The following PARN variants were observed in gnomAD, a reference collection of about 807,000 sequenced individuals.
The protein encoded by PARN is poly(A)-specific ribonuclease PARN.
PARN carries 71 observed loss-of-function variants against 102.8 expected under a neutral mutation model. That is an observed-to-expected ratio of 0.69 (90% CI 0.57 to 0.84). PARN has a LOEUF of 0.84. Ranked by LOEUF, PARN falls within the 40% of genes least tolerant of loss-of-function variation. The pLI is 0.00. For missense variants in PARN, 782 were observed against 760.9 expected (o/e 1.03, Z -0.33); for synonymous variants, 261 against 252.9 (o/e 1.03, Z -0.30).
chr16:14,600,032 CA>C (rs898608213), intron 11 of PARN, 72 bp from the exon 12 acceptor site: 340 of 830,576 alleles, frequency 4.1e-4, no homozygotes, highest in African/African-American at 1.2e-3. Flanking sequence ...AAAACTACCC[CA>C]AAAAAAAGAC....
chr16:14,514,665 T>C (rs1350792923), intron 21 of PARN, among the ~76,000 whole-genome samples: 1 of 152,186 alleles, frequency 6.6e-6, no homozygotes, highest in African/African-American at 2.4e-5. Flanking sequence ...ATTTTATGAG[T>C]TCTGGCCCAA....
At chr16:14,475,323 G>A (rs1962981705) in intron 22 of PARN, among the ~76,000 whole-genome samples, 1 of 152,166 alleles carries the variant, frequency 6.6e-6, no homozygotes, top group East Asian at 1.9e-4. Context: ...GTTGGCTTAT[G>A]GGGACTGAGT....
At chr16:14,574,851 A>C (rs1052268348) in intron 18 of PARN, among the ~76,000 whole-genome samples, 5 of 152,226 alleles carry the variant, frequency 3.3e-5, no homozygotes, top group Non-Finnish European at 7.3e-5. Context: ...AGGCCCTCCC[A>C]TCACAGGCCC....
At chr16:14,495,070 G>T (rs972724983) in intron 21 of PARN, among the ~76,000 whole-genome samples, 1 of 152,162 alleles carries the variant, frequency 6.6e-6, no homozygotes, top group Non-Finnish European at 1.5e-5. Context: ...CCTCCAGACT[G>T]AACTTAGGAG....
At chr16:14,502,015 A>G (rs962770055) in intron 21 of PARN, among the ~76,000 whole-genome samples, 8 of 152,248 alleles carry the variant, frequency 5.3e-5, no homozygotes, top group Admixed American at 4.6e-4. Flanking sequence ...TCAGGATTTA[A>G]AAGAGTTAAC....
intron 21 of PARN, among the ~76,000 whole-genome samples, chr16:14,541,981 G>T (rs866912636): frequency 6.6e-6 from 1 of 151,830 alleles, no homozygotes; most frequent in African/African-American, 2.4e-5. Flanking sequence ...ACAACCCTCA[G>T]ATGATGCAGA....
intron 21 of PARN, among the ~76,000 whole-genome samples, chr16:14,550,024 A>G (rs1303744927): frequency 6.6e-6 from 1 of 152,154 alleles, no homozygotes; most frequent in African/African-American, 2.4e-5. Context: ...AATGTCACCG[A>G]GTGTGGCTAG....
intron 21 of PARN, among the ~76,000 whole-genome samples, chr16:14,533,151 C>G (rs1350201129): frequency 1.3e-5 from 2 of 152,150 alleles, no homozygotes; most frequent in Non-Finnish European, 2.9e-5. Context: ...CGTCTGCAAC[C>G]CCGGCACCTC....
intron 12 of PARN, among the ~76,000 whole-genome samples, chr16:14,597,325 CAT>C (rs1970583699): frequency 6.6e-6 from 1 of 152,158 alleles, no homozygotes; most frequent in African/African-American, 2.4e-5. Context: ...AATTTAATGA[CAT>C]AGTTAACTTA....
intron 21 of PARN, among the ~76,000 whole-genome samples, chr16:14,502,073 G>T (rs1286099322): frequency 2.0e-5 from 3 of 152,182 alleles, no homozygotes; most frequent in Admixed American, 6.5e-5. Context: ...TGTACACTCT[G>T]GGGTAGACAG....
At chr16:14,506,666 C>A (rs746354334) in intron 21 of PARN, among the ~76,000 whole-genome samples, 1 of 152,114 alleles carries the variant, frequency 6.6e-6, no homozygotes, top group Admixed American at 6.6e-5. Context: ...TAGAATGTTG[C>A]CAACTTGTCT....
Position 14,580,853 on chromosome 16 carries a change from TG to T in PARN, c.1262+20del. 2 of 1,498,898 alleles carry T rather than the reference TG, an allele frequency of 1.3e-6. No homozygotes were observed. The highest frequency in any genetic ancestry group is 1.9e-6 in the Non-Finnish European group (2 of 1,076,264). The allele number at this position is 1,498,898 out of a possible 1,614,324, so 92.8% of individuals were successfully genotyped here. ...TTCCACAGTGAGAGAACTTGGAAAC[TG>T]GAACTCTCTGATTACTTACTTGTTA... On this transcript the variant is annotated intron_variant, in intron 18 of 23. Coordinates refer to ENST00000437198, the MANE Select transcript of PARN (RefSeq NM_002582.4).
chr16:14,593,026 C>T (rs990313227), intron 13 of PARN, among the ~76,000 whole-genome samples: 8 of 152,080 alleles, frequency 5.3e-5, no homozygotes, highest in African/African-American at 1.9e-4. Context: ...ATCCCAGCTA[C>T]TCAGGAGGCT....
At chr16:14,469,543 C>T (rs1341502422) in intron 22 of PARN, among the ~76,000 whole-genome samples, 4 of 152,152 alleles carry the variant, frequency 2.6e-5, no homozygotes, top group East Asian at 1.9e-4. Context: ...ATCTGGAGAT[C>T]GTATTTAAAC....
chr16:14,580,160 T>C (rs113987397), intron 18 of PARN, among the ~76,000 whole-genome samples: 27,944 of 152,096 alleles, frequency 0.18, 3,192 homozygotes, highest in Middle Eastern at 0.29. Context: ...TTAGTAGAGA[T>C]GGGGTTTCAC....
intron 21 of PARN, among the ~76,000 whole-genome samples, chr16:14,484,995 G>GT (rs1963586915): frequency 6.6e-6 from 1 of 152,324 alleles, no homozygotes; most frequent in East Asian, 1.9e-4. Context: ...AAGGCGGGAG[G>GT]ATAACTTGAG....
intron 22 of PARN, among the ~76,000 whole-genome samples, chr16:14,481,786 A>G (rs758904553): frequency 6.6e-6 from 1 of 152,204 alleles, no homozygotes; most frequent in Non-Finnish European, 1.5e-5. Flanking sequence ...TATAATGAAC[A>G]TATGTATGTA....
intron 23 of PARN, among the ~76,000 whole-genome samples, chr16:14,437,109 C>A (rs1567278738): frequency 6.6e-6 from 1 of 152,220 alleles, no homozygotes; most frequent in South Asian, 2.1e-4. Flanking sequence ...GGCAATACAG[C>A]GGGCATTTAA....
chr16:14,499,310 G>A (rs1340474561), intron 21 of PARN, among the ~76,000 whole-genome samples: 2 of 152,184 alleles, frequency 1.3e-5, no homozygotes, highest in Non-Finnish European at 2.9e-5. Flanking sequence ...GATGGGAGAA[G>A]GAGAAAGTAG....
Sources: gnomAD v4.1 joint callset for allele counts (sites outside exome capture counted in the v4.1 genomes callset) on GRCh38, gnomAD v4.1.1 for gene constraint, MANE v1.5 for transcripts, NCBI Gene and HGNC (gene_info 2026-07-23, HGNC 2026-07-21) for gene names.